TRIM75: variants seen among roughly 807,000 people sequenced by gnomAD.
TRIM75 encodes tripartite motif-containing protein 75.
chr4:165,057,614 A>C, the TRIM75 span, among the ~76,000 whole-genome samples: 459 of 151,898 alleles, frequency 3.0e-3, no homozygotes, highest in Non-Finnish European at 4.9e-3. Flanking sequence ...GCTCACTGCA[A>C]CCGCCGCCTC....
the TRIM75 span, chr4:165,059,204 T>C: frequency 2.6e-6 from 2 of 780,214 alleles, no homozygotes; most frequent in Non-Finnish European, 4.8e-6. Context: ...GCTCCATCTG[T>C]CTGGATTACC....
At chr4:165,055,695 T>C in the TRIM75 span, among the ~76,000 whole-genome samples, 1 of 152,010 alleles carries the variant, frequency 6.6e-6, no homozygotes. Flanking sequence ...GGAAAGAAAA[T>C]AGTGGCAGGA....
the TRIM75 span, among the ~76,000 whole-genome samples, chr4:165,054,047 C>T: frequency 6.6e-6 from 1 of 151,928 alleles, no homozygotes. Flanking sequence ...GGAGCTTGCA[C>T]CTCACAAGGG....
the TRIM75 span, among the ~76,000 whole-genome samples, chr4:165,057,959 T>C: frequency 6.6e-6 from 1 of 152,208 alleles, no homozygotes; most frequent in East Asian, 1.9e-4. Context: ...TTTCTTATCT[T>C]GTAGGTATTT....
the TRIM75 span, chr4:165,059,654 C>T: frequency 1.5e-4 from 114 of 780,784 alleles, no homozygotes; most frequent in Non-Finnish European, 2.4e-4. Context: ...GCAAAAAACC[C>T]TTAGAACTGA....
chr4:165,057,510 CTTT>C, the TRIM75 span, among the ~76,000 whole-genome samples: 1 of 152,044 alleles, frequency 6.6e-6, no homozygotes, highest in Non-Finnish European at 1.5e-5. Context: ...AAAGGAAAAA[CTTT>C]TTAAGTATTT....
At chr4:165,059,677 A>G in the TRIM75 span, 2 of 780,844 alleles carry the variant, frequency 2.6e-6, no homozygotes. Flanking sequence ...GAGATGGTGG[A>G]AAACCAAAGG....
At chr4:165,058,659 G>C in the TRIM75 span, among the ~76,000 whole-genome samples, 2 of 152,168 alleles carry the variant, frequency 1.3e-5, no homozygotes, top group Admixed American at 1.3e-4. Flanking sequence ...AATAATAAAG[G>C]CATGGAAATA....
the TRIM75 span, chr4:165,059,098 C>T: frequency 4.3e-6 from 3 of 699,688 alleles, no homozygotes; most frequent in Non-Finnish European, 7.9e-6. Context: ...CCACAGAACT[C>T]AACCTCTTGA....
the TRIM75 span, among the ~76,000 whole-genome samples, chr4:165,056,638 AGAGTCTCG>A: frequency 9.2e-6 from 1 of 108,128 alleles, no homozygotes; most frequent in African/African-American, 3.6e-5. Flanking sequence ...TTTTTGAGAC[AGAGTCTCG>A]CTCTGTTGCC....
chr4:165,060,147 G>C, the TRIM75 span: 9 of 780,844 alleles, frequency 1.2e-5, no homozygotes, highest in Non-Finnish European at 1.9e-5. Context: ...AAGATTTACA[G>C]TCAAGCCAGT....
chr4:165,053,989 A>G, the TRIM75 span, among the ~76,000 whole-genome samples: 6 of 152,030 alleles, frequency 3.9e-5, no homozygotes, highest in Admixed American at 2.6e-4. Flanking sequence ...GGGAGGCTGG[A>G]GTGTAGTGAA....
the TRIM75 span, among the ~76,000 whole-genome samples, chr4:165,057,437 G>A: frequency 6.6e-6 from 1 of 152,182 alleles, no homozygotes; most frequent in Non-Finnish European, 1.5e-5. Context: ...TTGTATATAT[G>A]TTTGAATATT....
the TRIM75 span, among the ~76,000 whole-genome samples, chr4:165,056,285 T>A: frequency 7.3e-6 from 1 of 136,908 alleles, no homozygotes; most frequent in African/African-American, 3.0e-5. Flanking sequence ...AATAAATAAG[T>A]TAATAAAAAT....
At chr4:165,054,088 T>C in the TRIM75 span, among the ~76,000 whole-genome samples, 7 of 151,666 alleles carry the variant, frequency 4.6e-5, no homozygotes, top group Non-Finnish European at 1.5e-5. Flanking sequence ...TTATTTAATG[T>C]TTTTATTTTC....
chr4:165,060,543 G>T, the TRIM75 span: 1 of 738,406 alleles, frequency 1.4e-6, no homozygotes. Context: ...TACAGGGACA[G>T]TTTGTGAATG....
At chr4:165,054,998 G>A in the TRIM75 span, among the ~76,000 whole-genome samples, 6 of 152,088 alleles carry the variant, frequency 3.9e-5, no homozygotes, top group Non-Finnish European at 5.9e-5. Context: ...GTCCCCATCA[G>A]GCTGTTTATG....
chr4:165,056,602 CTTTTTTTT>C, the TRIM75 span, among the ~76,000 whole-genome samples: 215 of 69,950 alleles, frequency 3.1e-3, 1 homozygote, highest in African/African-American at 6.7e-3. Context: ...GTCTCTGTCT[CTTTTTTTT>C]TTTTTTTTTT....
At chr4:165,056,399 T>A in the TRIM75 span, among the ~76,000 whole-genome samples, 1 of 152,044 alleles carries the variant, frequency 6.6e-6, no homozygotes, top group African/African-American at 2.4e-5. Flanking sequence ...AAGGTCTGTC[T>A]TCAGGACTGT....
Sources: gnomAD v4.1 joint callset for allele counts (sites outside exome capture counted in the v4.1 genomes callset) on GRCh38, gnomAD v4.1.1 for gene constraint, MANE v1.5 for transcripts, NCBI Gene and HGNC (gene_info 2026-07-23, HGNC 2026-07-21) for gene names.